The following MEGF8 variants were observed in gnomAD, a reference collection of about 807,000 sequenced individuals.
MEGF8 encodes multiple epidermal growth factor-like domains protein 8.
In MEGF8, 156 loss-of-function variants were observed where a neutral mutation model predicts 302.9. The ratio of observed to expected loss-of-function variants is 0.52; its 90% confidence interval spans 0.45 to 0.59. The LOEUF (loss-of-function observed/expected upper bound fraction) is 0.59, where lower values mean the gene tolerates loss of function less well. Ranked by LOEUF, MEGF8 falls within the 20% of genes least tolerant of loss-of-function variation. MEGF8 has a pLI of 0.00. For synonymous variants in MEGF8, 1,621 were observed against 1,660.5 expected (o/e 0.98, Z 0.58); for missense variants, 3,345 against 3,964.5 (o/e 0.84, Z 4.20).
Position 42,368,771 on chromosome 19 carries a change from A to G in MEGF8, c.6482-72A>G. ...CCCAGAGGTGGGGCTCAGAGGAGGC[A>G]GGAGGGAGGGCCTAGGCAACTGGGG... is the stretch of plus-strand genomic sequence containing the variant. On this transcript the variant is annotated intron_variant, in intron 36 of 41. Transcript: ENST00000251268. This position sits in a 1 kb window ranked among gnomAD's most constrained non-coding sequence, Gnocchi z 4.9. The G allele has an allele frequency of 6.4e-7, 1 of 1,571,100 alleles. No homozygotes were observed. Among genetic ancestry groups the G allele is most frequent in the Non-Finnish European group, 8.6e-7 (1 of 1,157,966 alleles).
rs549875912 is a variant in MEGF8, at chr19:42,354,597, G to A, written c.4021G>A (p.Val1341Ile). 9 of 1,612,338 alleles carry A rather than the reference G, an allele frequency of 5.6e-6. No homozygotes were observed. Among genetic ancestry groups the A allele is most frequent in the African/African-American group, 4.0e-5 (3 of 74,860 alleles). Reference sequence around the variant, plus strand: ...TTCTGCACCCCTCTAGCTGAGCTACGTCCTGGCGTTTGATGGATTCCCACG... The same window carrying A: ...TTCTGCACCCCTCTAGCTGAGCTACATCCTGGCGTTTGATGGATTCCCACG... Reference protein sequence around the residue: ...DSSTPCTLSYVLAFDGFPRFL... With the variant: ...DSSTPCTLSYILAFDGFPRFL... Residue 1341 changes from valine (V) to isoleucine (I), a missense_variant, in exon 23 of 42, where the codon GTC becomes ATC. Transcript: ENST00000251268. The surrounding 1 kb of genome is among the most constrained non-coding windows in gnomAD (Gnocchi z 4.3).
chr19:42,333,862 CACAGGG>C, intron 2 of MEGF8, 94 bp downstream of exon 2: 1 of 1,551,146 alleles, frequency 6.4e-7, no homozygotes, highest in Non-Finnish European at 8.8e-7. Context: ...AAGAGCAGAG[CACAGGG>C]ACAAGGGAAG....
In MEGF8 at chr19:42,358,668, C is replaced by G. The variant is rs2039487057; in HGVS notation, c.5176-119C>G. ...GTGGGAGGGCAGGGAGCCCTGTCTG[C>G]ACTGGTTAGAGAGGCTGGTGGTTTC... is the stretch of plus-strand genomic sequence containing the variant. On this transcript the variant is annotated intron_variant, in intron 29 of 41. Coordinates refer to ENST00000251268, the MANE Select transcript of MEGF8 (RefSeq NM_001271938.2). This position sits in a 1 kb window ranked among gnomAD's most constrained non-coding sequence, Gnocchi z 4.4. 6 of 1,226,186 alleles carry G rather than the reference C, an allele frequency of 4.9e-6. 1 individual carries two copies. The highest frequency in any genetic ancestry group is 6.7e-6 in the Non-Finnish European group (6 of 900,958). 76.0% of individuals were successfully genotyped at this position (1,226,186 alleles called of 1,614,324 possible).
rs763940342 is a variant in MEGF8, at chr19:42,375,592, G to A, written c.7355G>A (p.Cys2452Tyr). 6 of 1,587,926 alleles carry A rather than the reference G, an allele frequency of 3.8e-6. No individual in the cohort carries two copies. Among genetic ancestry groups the A allele is most frequent in the Non-Finnish European group, 5.1e-6 (6 of 1,168,748 alleles). ...CTCATCTCGGTGGAGCAGGAGTGCTGCCTGGACCCCACGTCCCAGACCAAC... is the reference window on the plus strand; with the variant it reads ...CTCATCTCGGTGGAGCAGGAGTGCTACCTGGACCCCACGTCCCAGACCAAC... ...YRLISVEQEC[C>Y]LDPTSQTNCF... Residue 2452 changes from cysteine to tyrosine, a missense_variant, in exon 42 of 42, where the codon TGC (cysteine) becomes TAC (tyrosine). Transcript: ENST00000251268. The surrounding 1 kb of genome is among the most constrained non-coding windows in gnomAD (Gnocchi z 7.1).
intron 8 of MEGF8, among the ~76,000 whole-genome samples, chr19:42,341,441 A>C (rs927431229): frequency 5.3e-5 from 8 of 151,740 alleles, no homozygotes; most frequent in South Asian, 4.2e-4. Context: ...AAAAAAAAAA[A>C]AAAAAAAAAC....
At chr19:42,370,510 G>A (rs2039670487) in intron 39 of MEGF8, 151 bp downstream of exon 39, 6 of 895,490 alleles carry the variant, frequency 6.7e-6, no homozygotes, top group Non-Finnish European at 8.3e-6. Context: ...GAGTAGAGGT[G>A]GGGGTCTTGA....
Position 42,376,898 on chromosome 19 carries a change from A to C in MEGF8, c.*123A>C. Reference sequence around the variant, plus strand: ...TGGAGACCACTGGCCCCCTTCCCCCAGGGTTGCCCAGATGGGGCCTCCTTT... The same window carrying C: ...TGGAGACCACTGGCCCCCTTCCCCCCGGGTTGCCCAGATGGGGCCTCCTTT... On this transcript the variant is annotated 3_prime_UTR_variant, in exon 42 of 42. Coordinates refer to ENST00000251268, the MANE Select transcript of MEGF8 (RefSeq NM_001271938.2). This position sits in a 1 kb window ranked among gnomAD's most constrained non-coding sequence, Gnocchi z 8.2. 1 of 1,141,830 alleles carries C rather than the reference A, an allele frequency of 8.8e-7. No homozygotes were observed. The highest frequency in any genetic ancestry group is 3.5e-5 in the Admixed American group (1 of 28,222). The allele number at this position is 1,141,830 out of a possible 1,614,324, so 70.7% of individuals were successfully genotyped here. A position where few individuals can be genotyped will look rare whatever the true frequency, so the allele number is the denominator to read the frequency against.
At chr19:42,331,662 C>T (rs1450324064) in intron 1 of MEGF8, among the ~76,000 whole-genome samples, 5 of 151,914 alleles carry the variant, frequency 3.3e-5, no homozygotes, top group Non-Finnish European at 7.4e-5. Flanking sequence ...CTCTGCCTCC[C>T]GGGTTCAAGA....
In MEGF8 at chr19:42,344,018, GT is replaced by G. The variant is rs1168864409; in HGVS notation, c.1735del (p.Trp579GlyfsTer132). 6.2e-7 allele frequency: 1 copy of G among 1,613,810 alleles called. No individual in the cohort carries two copies. Among genetic ancestry groups the G allele is most frequent in the East Asian group, 2.2e-5 (1 of 44,874 alleles). On this transcript the variant is annotated frameshift_variant, in exon 10 of 42. Transcript: ENST00000251268. LOFTEE classifies it high-confidence loss of function. This position sits in a 1 kb window ranked among gnomAD's most constrained non-coding sequence, Gnocchi z 4.5. ...GTCTGCTCCCGGGACCCGGAATGCA[GT>G]TGGTGCCAAGGAGCCTGCCAAGCTG... Reference protein sequence around the residue: ...HSVCSRDPECSWCQGACQAAP... With the variant: ...HSVCSRDPECXWCQGACQAAP...
At chr19:42,341,976 GGAGA>G (rs2039221632) in intron 8 of MEGF8, among the ~76,000 whole-genome samples, 1 of 152,162 alleles carries the variant, frequency 6.6e-6, no homozygotes, top group Non-Finnish European at 1.5e-5. Context: ...TCCCTGAAAA[GGAGA>G]GAGAGGAGAG....
At chr19:42,363,969 T>TC (rs2039569203) in intron 35 of MEGF8, among the ~76,000 whole-genome samples, 1 of 152,184 alleles carries the variant, frequency 6.6e-6, no homozygotes, top group African/African-American at 2.4e-5. Flanking sequence ...TCTGTGTTTG[T>TC]CGGTTAGCTC....
chr19:42,367,880 T>C (rs2039630337), intron 35 of MEGF8, among the ~76,000 whole-genome samples: 1 of 152,196 alleles, frequency 6.6e-6, no homozygotes, highest in African/African-American at 2.4e-5. Flanking sequence ...CATCATTTGC[T>C]TATCTAAACA....
Position 42,356,249 on chromosome 19 carries a change from C to T in MEGF8, c.4503+56C>T. Reference sequence around the variant, plus strand: ...GGTTGCTCCCAGGTCGTTCTCCCACCTCCATTCCTGGGACCACCCCTACAC... The same window carrying T: ...GGTTGCTCCCAGGTCGTTCTCCCACTTCCATTCCTGGGACCACCCCTACAC... On this transcript the variant is annotated intron_variant, in intron 25 of 41. Coordinates refer to ENST00000251268, the MANE Select transcript of MEGF8 (RefSeq NM_001271938.2). This position sits in a 1 kb window ranked among gnomAD's most constrained non-coding sequence, Gnocchi z 5.2. The T allele has an allele frequency of 2.6e-6, 4 of 1,523,508 alleles. No individual in the cohort carries two copies. The South Asian group carries it at 3.8e-5, about 14-fold the overall frequency. 94.4% of individuals were successfully genotyped at this position (1,523,508 alleles called of 1,614,324 possible).
At position 42,358,712 on chromosome 19, in the gene MEGF8, C is replaced by A; in HGVS notation, c.5176-75C>A. 1.4e-6 allele frequency: 2 copies of A among 1,444,626 alleles called. No individual in the cohort carries two copies. Among genetic ancestry groups the A allele is most frequent in the South Asian group, 1.5e-5 (1 of 67,584 alleles). The allele number at this position is 1,444,626 out of a possible 1,614,324, so 89.5% of individuals were successfully genotyped here. Reference sequence around the variant, plus strand: ...TGGTTTCAGTCCACACGTTTCCAAGCCCGTCTTGGAGGCAGGGGGCTAGAA... The same window carrying A: ...TGGTTTCAGTCCACACGTTTCCAAGACCGTCTTGGAGGCAGGGGGCTAGAA... On this transcript the variant is annotated intron_variant, in intron 29 of 41. Transcript: ENST00000251268. This position sits in a 1 kb window ranked among gnomAD's most constrained non-coding sequence, Gnocchi z 4.4.
rs1313345333 is a variant in MEGF8 at position 42,344,571 on chromosome 19, G to A, written c.1919G>A (p.Cys640Tyr). 2 of 1,593,650 alleles carry A rather than the reference G, an allele frequency of 1.3e-6. No individual in the cohort carries two copies. Among genetic ancestry groups the A allele is most frequent in the East Asian group, 2.2e-5 (1 of 44,614 alleles). The change falls in exon 11 of 42, where the codon TGC (cysteine) becomes TAC (tyrosine). Residue 640 changes from cysteine to tyrosine, a missense_variant. Cys to Tyr is a radical substitution (Grantham distance 194). Coordinates refer to ENST00000251268, the MANE Select transcript of MEGF8 (RefSeq NM_001271938.2). The surrounding 1 kb of genome is among the most constrained non-coding windows in gnomAD (Gnocchi z 4.5). ...TLGWCVHNES[C>Y]LPRPEQARCR... is the part of the protein sequence containing the mutation. The stretch of plus-strand genomic sequence containing the variant: ...GGCTGGTGCGTGCACAATGAGAGCT[G>A]CCTCCCTAGGCCTGGTGAGTGTCCG...
chr19:42,344,430 C>A lies in MEGF8; in HGVS notation c.1789-11C>A. 1.3e-6 allele frequency: 2 copies of A among 1,574,974 alleles called. No homozygotes were observed. Among genetic ancestry groups the A allele is most frequent in the Non-Finnish European group, 1.7e-6 (2 of 1,166,824 alleles). ...GTTGACAGTGAGCCCTTTCCCCTCT[C>A]CTCCTCGCAGTGTCCAGCCGCCAGC... On this transcript the variant is annotated splice_polypyrimidine_tract_variant and intron_variant, in intron 10 of 41. Coordinates refer to ENST00000251268, the MANE Select transcript of MEGF8 (RefSeq NM_001271938.2). This position sits in a 1 kb window ranked among gnomAD's most constrained non-coding sequence, Gnocchi z 4.5.
chr19:42,332,024 G>A (rs2039061874), intron 1 of MEGF8, among the ~76,000 whole-genome samples: 1 of 146,958 alleles, frequency 6.8e-6, no homozygotes, highest in African/African-American at 2.5e-5. Flanking sequence ...GCTAATTTTT[G>A]TATTTTTTTT....
rs145407654 is a variant in MEGF8, at chr19:42,345,291, G to T, written c.2097+458G>T. Among the ~76,000 whole-genome samples, 490 of 152,274 alleles carry T rather than the reference G, an allele frequency of 3.2e-3. 1 individual carries two copies. Among genetic ancestry groups the T allele is most frequent in the Middle Eastern group, 0.02 (6 of 294 alleles). On this transcript the variant is annotated intron_variant, in intron 12 of 41. Coordinates refer to ENST00000251268, the MANE Select transcript of MEGF8 (RefSeq NM_001271938.2). ...CTGGCCTCCTTATAGATTTTAAAAA[G>T]AATTTTTACATTGTGGTAAAATACA...
chr19:42,333,653 C>T lies in MEGF8; in HGVS notation c.236C>T (p.Thr79Ile). ...CTGCTGGACTTCCTTTTCCTGGACACAGAGTGCACGTATGACTACCTGTTC... is the reference window on the plus strand; with the variant it reads ...CTGCTGGACTTCCTTTTCCTGGACATAGAGTGCACGTATGACTACCTGTTC... Reference protein sequence around the residue: ...RILLDFLFLDTECTYDYLFVY... With the variant: ...RILLDFLFLDIECTYDYLFVY... Residue 79 changes from threonine to isoleucine, a missense_variant, in exon 2 of 42, where the codon ACA becomes ATA. Coordinates refer to ENST00000251268, the MANE Select transcript of MEGF8 (RefSeq NM_001271938.2). 1.2e-6 allele frequency: 2 copies of T among 1,614,026 alleles called. No homozygotes were observed. The highest frequency in any genetic ancestry group is 1.7e-6 in the Non-Finnish European group (2 of 1,179,900).
Sources: allele counts gnomAD v4.1 joint callset (sites outside exome capture counted in the v4.1 genomes callset), GRCh38; gene constraint gnomAD v4.1.1; non-coding constraint Gnocchi (gnomAD v3.1); transcripts MANE v1.5; gene names NCBI Gene and HGNC (gene_info 2026-07-23, HGNC 2026-07-21).